PPP6R3: variants seen among roughly 807,000 people sequenced by gnomAD.
PPP6R3 encodes the protein serine/threonine-protein phosphatase 6 regulatory subunit 3.
PPP6R3 carries 38 observed loss-of-function variants against 110.7 expected under a neutral mutation model. The observed-to-expected ratio is 0.34, with a 90% CI of 0.26 to 0.45. The LOEUF (loss-of-function observed/expected upper bound fraction) is 0.45. Among genes scored for constraint, PPP6R3 ranks in the 20% least tolerant of loss-of-function variants. The pLI, the probability that PPP6R3 is intolerant of heterozygous loss-of-function variation, is 1.00. For synonymous variants in PPP6R3, 369 were observed against 373.5 expected (o/e 0.99, Z 0.14); for missense variants, 870 against 1,062.4 (o/e 0.82, Z 2.52).
At chr11:68,572,698 C>T (rs886959018) in intron 12 of PPP6R3, among the ~76,000 whole-genome samples, 4 of 151,896 alleles carry the variant, frequency 2.6e-5, no homozygotes, top group Non-Finnish European at 5.9e-5. Context: ...AAAAATTAGC[C>T]GGATGTGGTG....
chr11:68,573,155 A>ATATAAT (rs1565936429), intron 12 of PPP6R3, among the ~76,000 whole-genome samples: 12 of 29,564 alleles, frequency 4.1e-4, no homozygotes, highest in Non-Finnish European at 5.1e-4. Flanking sequence ...TATATATATA[A>ATATAAT]TTTTTTTTTT....
chr11:68,603,167 T>A (rs1367005960), intron 21 of PPP6R3, among the ~76,000 whole-genome samples, 175 bp from the exon 22 acceptor site: 1 of 152,032 alleles, frequency 6.6e-6, no homozygotes, highest in Non-Finnish European at 1.5e-5. Flanking sequence ...TGGGCATCTT[T>A]AAGAAGTCTC....
At chr11:68,477,741 A>AAAAAAAAATATATAT in intron 1 of PPP6R3, among the ~76,000 whole-genome samples, 5 of 57,892 alleles carry the variant, frequency 8.6e-5, no homozygotes, top group Non-Finnish European at 1.7e-4. Flanking sequence ...AAAAAAAAAA[A>AAAAAAAAATATATAT]ATATATATAT....
At chr11:68,468,453 T>C (rs1306200925) in intron 1 of PPP6R3, among the ~76,000 whole-genome samples, 1 of 152,246 alleles carries the variant, frequency 6.6e-6, no homozygotes, top group Non-Finnish European at 1.5e-5. Context: ...TGACTGTCCC[T>C]TTTCACTGTG....
chr11:68,544,785 T>A, intron 3 of PPP6R3, 53 bp from the exon 4 acceptor site: 1 of 1,261,962 alleles, frequency 7.9e-7, no homozygotes, highest in Non-Finnish European at 1.1e-6. Context: ...TGTTTATCTT[T>A]ATGTAATTAA....
chr11:68,559,414 G>A (rs1357668458), intron 8 of PPP6R3, among the ~76,000 whole-genome samples: 1 of 152,196 alleles, frequency 6.6e-6, no homozygotes, highest in African/African-American at 2.4e-5. Flanking sequence ...TTCCGGGATT[G>A]TGTGATGTAG....
chr11:68,614,795 C>A lies in PPP6R3; in HGVS notation c.*1678C>A. ...GTCCTTGGGCCTCCTCTGGAAGCAGCACCCCCAGAGGACAGGGCTCCTCCT... is the reference window on the plus strand; with the variant it reads ...GTCCTTGGGCCTCCTCTGGAAGCAGAACCCCCAGAGGACAGGGCTCCTCCT... On this transcript the variant is annotated 3_prime_UTR_variant, in exon 24 of 24. Coordinates refer to ENST00000393800, the MANE Select transcript of PPP6R3 (RefSeq NM_001164161.2). 6.6e-7 allele frequency: 1 copy of A among 1,506,344 alleles called. No homozygotes were observed. Among genetic ancestry groups the A allele is most frequent in the Non-Finnish European group, 9.0e-7 (1 of 1,108,918 alleles). 93.3% of individuals were successfully genotyped at this position (1,506,344 alleles called of 1,614,324 possible). A position where few individuals can be genotyped will look rare whatever the true frequency, so the allele number is the denominator to read the frequency against.
At chr11:68,492,419 G>A (rs1218934422) in intron 1 of PPP6R3, among the ~76,000 whole-genome samples, 1 of 152,200 alleles carries the variant, frequency 6.6e-6, no homozygotes, top group African/African-American at 2.4e-5. Flanking sequence ...AGAATGCTGG[G>A]ATTTCAGGCG....
chr11:68,588,166 A>G, intron 16 of PPP6R3, 142 bp downstream of exon 16: 1 of 757,400 alleles, frequency 1.3e-6, no homozygotes, highest in Non-Finnish European at 2.3e-6. Flanking sequence ...CTCTAGTTCC[A>G]GCAGATTGGC....
intron 17 of PPP6R3, 106 bp from the exon 18 acceptor site, chr11:68,591,470 A>G (rs778533418): frequency 2.8e-5 from 30 of 1,055,134 alleles, no homozygotes; most frequent in Non-Finnish European, 3.7e-5. Flanking sequence ...GATAGGCACC[A>G]TATTGTAAAG....
intron 15 of PPP6R3, chr11:68,586,344 G>C (rs1212810218): frequency 6.6e-6 from 1 of 152,250 alleles, no homozygotes; most frequent in African/African-American, 2.4e-5. Flanking sequence ...TAATATTAAT[G>C]CTGGCTGTCA....
At chr11:68,468,956 A>C (rs1207187664) in intron 1 of PPP6R3, among the ~76,000 whole-genome samples, 1 of 152,232 alleles carries the variant, frequency 6.6e-6, no homozygotes, top group Non-Finnish European at 1.5e-5. Context: ...TAGTGTGGAT[A>C]ATCACATACG....
At chr11:68,504,476 A>T (rs747294029) in intron 1 of PPP6R3, among the ~76,000 whole-genome samples, 1 of 152,126 alleles carries the variant, frequency 6.6e-6, no homozygotes, top group Non-Finnish European at 1.5e-5. Flanking sequence ...ATTCTTTCCT[A>T]TTTCATATAT....
chr11:68,594,436 C>G (rs1447065291), intron 18 of PPP6R3, among the ~76,000 whole-genome samples: 2 of 151,980 alleles, frequency 1.3e-5, no homozygotes, highest in Non-Finnish European at 1.5e-5. Context: ...GCAGGAGGCT[C>G]TCTTGAGCCC....
At chr11:68,470,899 C>G (rs1286062929) in intron 1 of PPP6R3, among the ~76,000 whole-genome samples, 1 of 152,042 alleles carries the variant, frequency 6.6e-6, no homozygotes, top group Non-Finnish European at 1.5e-5. Flanking sequence ...TGTGCATGTT[C>G]AGTTTCTGAA....
chr11:68,527,678 A>G (rs1011614836), intron 2 of PPP6R3, among the ~76,000 whole-genome samples: 4 of 152,242 alleles, frequency 2.6e-5, no homozygotes, highest in African/African-American at 7.2e-5. Context: ...ATTTTAATGC[A>G]TACTTTCCTC....
In PPP6R3 at chr11:68,534,206, C is replaced by T. The variant is rs562051167; in HGVS notation, c.-6-3453C>T. Among the ~76,000 whole-genome samples, 13 of 152,184 alleles carry T rather than the reference C, an allele frequency of 8.5e-5. No homozygotes were observed. In the East Asian group the frequency reaches 1.7e-3, roughly 20 times the overall value. On this transcript the variant is annotated intron_variant, in intron 2 of 23. Transcript: ENST00000393800. ...CAGGGCGCAAGGGCTGTGGGGTAGA[C>T]GTTGGGTGGATTCAGGAGACTGCAG...
intron 1 of PPP6R3, among the ~76,000 whole-genome samples, chr11:68,485,155 A>C (rs552871431): frequency 1.3e-5 from 2 of 148,688 alleles, no homozygotes; most frequent in Non-Finnish European, 3.0e-5. Context: ...AATATAAATA[A>C]TTTTTTTTTT....
At chr11:68,562,644 G>A (rs940525405) in intron 8 of PPP6R3, among the ~76,000 whole-genome samples, 2 of 152,144 alleles carry the variant, frequency 1.3e-5, no homozygotes, top group African/African-American at 2.4e-5. Context: ...AGAGGCATGG[G>A]GGCAGTTCAG....
Sources: allele counts gnomAD v4.1 joint callset (sites outside exome capture counted in the v4.1 genomes callset), GRCh38; gene constraint gnomAD v4.1.1; transcripts MANE v1.5; gene names NCBI Gene and HGNC (gene_info 2026-07-23, HGNC 2026-07-21).